ARHGEF3: variants seen among roughly 807,000 people sequenced by gnomAD.
ARHGEF3 encodes the protein Rho guanine nucleotide exchange factor 3, also known as 59.8 kDA protein.
In ARHGEF3, 28 loss-of-function variants were observed where a neutral mutation model predicts 63.2. The observed-to-expected ratio is 0.44, with a 90% CI of 0.33 to 0.61. The LOEUF (loss-of-function observed/expected upper bound fraction) is 0.61, where lower values mean the gene tolerates loss of function less well. Ranked by LOEUF, ARHGEF3 falls within the 20% of genes least tolerant of loss-of-function variation. ARHGEF3 has a pLI of 0.03. For synonymous variants in ARHGEF3, 266 were observed against 254.2 expected, an observed-to-expected ratio of 1.05 and a Z score of -0.44; for missense variants, 533 against 659.3, an observed-to-expected ratio of 0.81 and a Z score of 2.10.
intron 2 of ARHGEF3, among the ~76,000 whole-genome samples, chr3:56,759,412 G>A (rs1010452615): frequency 5.3e-5 from 8 of 152,218 alleles, no homozygotes; most frequent in Non-Finnish European, 7.4e-5. Context: ...CTCGTGATCC[G>A]CCTGCCTTGG....
chr3:56,750,593 A>G (rs2034676472), intron 6 of ARHGEF3, among the ~76,000 whole-genome samples: 1 of 151,626 alleles, frequency 6.6e-6, no homozygotes, highest in Non-Finnish European at 1.5e-5. Context: ...TATGCTAAAC[A>G]TTAGCAACCT....
At chr3:56,966,043 T>C (rs1432110532) in intron 2 of ARHGEF3, among the ~76,000 whole-genome samples, 1 of 152,202 alleles carries the variant, frequency 6.6e-6, no homozygotes, top group East Asian at 1.9e-4. Flanking sequence ...TTATAGGAGA[T>C]ATACATGATA....
At chr3:56,926,473 T>C (rs1578861723) in intron 3 of ARHGEF3, among the ~76,000 whole-genome samples, 1 of 152,384 alleles carries the variant, frequency 6.6e-6, no homozygotes, top group Middle Eastern at 3.4e-3. Context: ...ATGCTTTTCC[T>C]ATGTATTTTT....
At chr3:56,996,868 C>CGTT (rs1702008648) in intron 2 of ARHGEF3, among the ~76,000 whole-genome samples, 1 of 139,304 alleles carries the variant, frequency 7.2e-6, no homozygotes. Context: ...TTTCTTAAAA[C>CGTT]ATTATTATTA....
intron 2 of ARHGEF3, among the ~76,000 whole-genome samples, chr3:56,770,009 G>A (rs2035920122): frequency 6.6e-6 from 1 of 152,148 alleles, no homozygotes; most frequent in African/African-American, 2.4e-5. Context: ...TCCCTTATTG[G>A]AAAGGGAACC....
At chr3:56,799,357 C>T (rs918944056) in intron 1 of ARHGEF3, among the ~76,000 whole-genome samples, 4 of 152,206 alleles carry the variant, frequency 2.6e-5, no homozygotes, top group African/African-American at 4.8e-5. Flanking sequence ...CCATTACACA[C>T]GGCCATTAAA....
At chr3:56,949,116 A>C (rs1164823745) in intron 3 of ARHGEF3, among the ~76,000 whole-genome samples, 1 of 152,006 alleles carries the variant, frequency 6.6e-6, no homozygotes, top group Non-Finnish European at 1.5e-5. Context: ...TTAGGTATTG[A>C]TGGGATGTAT....
At chr3:56,913,876 T>C (rs2041918875) in intron 3 of ARHGEF3, among the ~76,000 whole-genome samples, 1 of 152,182 alleles carries the variant, frequency 6.6e-6, no homozygotes, top group South Asian at 2.1e-4. Flanking sequence ...TGCAAAATCA[T>C]GGAACACCCA....
chr3:57,040,376 C>A (rs1301282793), intron 1 of ARHGEF3, among the ~76,000 whole-genome samples: 1 of 151,994 alleles, frequency 6.6e-6, no homozygotes, highest in Non-Finnish European at 1.5e-5. Context: ...ACTCTGGAGG[C>A]TGAGGCAGGA....
chr3:56,824,480 TC>T (rs1214018352), intron 4 of ARHGEF3, among the ~76,000 whole-genome samples: 22 of 152,324 alleles, frequency 1.4e-4, no homozygotes, highest in Non-Finnish European at 4.4e-5. Context: ...TTCTAATGAC[TC>T]CCATTATAGA....
chr3:57,044,644 A>G (rs6770342), intron 1 of ARHGEF3, among the ~76,000 whole-genome samples: 137,380 of 152,210 alleles, frequency 0.9, 63,652 homozygotes, highest in East Asian at 1. Flanking sequence ...CTTATGTACA[A>G]GCTGGTACTG....
chr3:56,854,462 T>C (rs2039798646), intron 4 of ARHGEF3, among the ~76,000 whole-genome samples: 1 of 152,074 alleles, frequency 6.6e-6, no homozygotes, highest in Non-Finnish European at 1.5e-5. Context: ...TGTAAAGTGG[T>C]GAAGCGGGAA....
At chr3:56,993,577 G>A (rs537290421) in intron 2 of ARHGEF3, among the ~76,000 whole-genome samples, 1 of 151,408 alleles carries the variant, frequency 6.6e-6, no homozygotes, top group East Asian at 2.0e-4. Flanking sequence ...GTCTCCCTAT[G>A]TTGCCCAGGC....
At chr3:56,804,660 G>C (rs143605625), upstream of ARHGEF3, among the ~76,000 whole-genome samples, 34 of 152,292 alleles carry the variant, frequency 2.2e-4, no homozygotes, top group East Asian at 5.2e-3. Context: ...GAAGCAATAG[G>C]AAGAAAACTG....
chr3:57,037,057 C>T (rs893620512), intron 1 of ARHGEF3, among the ~76,000 whole-genome samples: 2 of 152,220 alleles, frequency 1.3e-5, no homozygotes, highest in African/African-American at 4.8e-5. Flanking sequence ...AAAAAGCACA[C>T]CATGAAATAT....
intron 3 of ARHGEF3, among the ~76,000 whole-genome samples, chr3:56,921,646 G>C (rs1042619568): frequency 7.9e-5 from 12 of 152,194 alleles, no homozygotes; most frequent in Non-Finnish European, 2.9e-5. Context: ...GACAAATGGA[G>C]CAGCGGTGTC....
intron 4 of ARHGEF3, among the ~76,000 whole-genome samples, chr3:56,824,957 G>A (rs1175015011): frequency 6.6e-6 from 1 of 152,194 alleles, no homozygotes; most frequent in Non-Finnish European, 1.5e-5. Flanking sequence ...AACTCTGTGA[G>A]GTGACAAGGT....
At chr3:56,968,557 G>A (rs769406784) in intron 2 of ARHGEF3, among the ~76,000 whole-genome samples, 4 of 146,912 alleles carry the variant, frequency 2.7e-5, no homozygotes, top group Non-Finnish European at 5.9e-5. Context: ...TTGAACTCTT[G>A]GGCTCAAGCA....
intron 1 of ARHGEF3, among the ~76,000 whole-genome samples, chr3:56,789,390 T>C (rs1171737159): frequency 6.6e-6 from 1 of 152,242 alleles, no homozygotes; most frequent in Non-Finnish European, 1.5e-5. Flanking sequence ...TGGCATGTTC[T>C]TTGACGCTTT....
Sources: gnomAD v4.1 joint callset for allele counts (sites outside exome capture counted in the v4.1 genomes callset) on GRCh38, gnomAD v4.1.1 for gene constraint, MANE v1.5 for transcripts, NCBI Gene and HGNC (gene_info 2026-07-23, HGNC 2026-07-21) for gene names.